SGCZ: variants seen among roughly 807,000 people sequenced by gnomAD.
SGCZ encodes sarcoglycan zeta.
A neutral mutation model predicts 41.3 loss-of-function variants in SGCZ; 40 were observed. That is an observed-to-expected ratio of 0.97 (90% confidence interval 0.75 to 1.26). The LOEUF (loss-of-function observed/expected upper bound fraction) is 1.26. Ranked by LOEUF, SGCZ falls within the 50% of genes most tolerant of loss-of-function variation. The pLI, the probability that SGCZ is intolerant of heterozygous loss-of-function variation, is 0.00. For synonymous variants in SGCZ, 206 were observed against 137.5 expected (o/e 1.50, Z -3.49); for missense variants, 552 against 369.8 (o/e 1.49, Z -4.04).
chr8:14,691,563 C>G (rs1393341019), intron 1 of SGCZ, among the ~76,000 whole-genome samples: 1 of 151,836 alleles, frequency 6.6e-6, no homozygotes, highest in Non-Finnish European at 1.5e-5. Context: ...GGCACATAGG[C>G]CTCTTGGAAA....
intron 3 of SGCZ, among the ~76,000 whole-genome samples, chr8:14,273,181 T>C (rs753647689): frequency 6.6e-6 from 1 of 152,072 alleles, no homozygotes; most frequent in Non-Finnish European, 1.5e-5. Context: ...TACAAAAATA[T>C]TGATAAAAAG....
chr8:14,380,980 T>C (rs1271478677), intron 2 of SGCZ, among the ~76,000 whole-genome samples: 4 of 152,228 alleles, frequency 2.6e-5, no homozygotes, highest in Non-Finnish European at 4.4e-5. Context: ...GTATTCCTAA[T>C]CGTTCTTAGC....
chr8:14,868,181 T>C (rs892421785), intron 1 of SGCZ, among the ~76,000 whole-genome samples: 5 of 152,134 alleles, frequency 3.3e-5, no homozygotes, highest in African/African-American at 9.7e-5. Context: ...TGTGTGAAGA[T>C]GCTGAAAGGT....
intron 1 of SGCZ, among the ~76,000 whole-genome samples, chr8:14,979,209 C>T (rs1241184609): frequency 1.3e-5 from 2 of 152,196 alleles, no homozygotes; most frequent in Non-Finnish European, 2.9e-5. Context: ...AGCATATCAT[C>T]TCAGGTAACA....
At chr8:15,015,406 A>C (rs4831669) in intron 1 of SGCZ, among the ~76,000 whole-genome samples, 5,491 of 152,168 alleles carry the variant, frequency 0.036, 327 homozygotes, top group African/African-American at 0.12. Flanking sequence ...TTGTTACTTG[A>C]AACATACACG....
rs576358395 is a variant in SGCZ, at chr8:14,944,149, A to G, written c.39+293436T>C. On this transcript the variant is annotated intron_variant, in intron 1 of 7. Transcript: ENST00000382080. Reference sequence around the variant, plus strand: ...CCCGCTTCATTCGAATCATATAGGCAGGGTGGGGCCTGCAGGCTGAAGGTA... The same window carrying G: ...CCCGCTTCATTCGAATCATATAGGCGGGGTGGGGCCTGCAGGCTGAAGGTA... Among the ~76,000 whole-genome samples, 526 of 152,266 alleles carry G rather than the reference A, an allele frequency of 3.5e-3. 4 individuals are homozygous for G. Among genetic ancestry groups the G allele is most frequent in the African/African-American group, 0.012 (484 of 41,546 alleles).
chr8:14,479,916 T>C (rs1170459767), intron 2 of SGCZ, among the ~76,000 whole-genome samples: 1 of 23,408 alleles, frequency 4.3e-5, no homozygotes, highest in Non-Finnish European at 1.0e-3. Context: ...CGACTAATTT[T>C]GTATTTTTAG....
At chr8:14,158,541 T>C (rs1803945781) in intron 5 of SGCZ, among the ~76,000 whole-genome samples, 2 of 152,176 alleles carry the variant, frequency 1.3e-5, no homozygotes, top group South Asian at 4.2e-4. Flanking sequence ...GAACAATACC[T>C]TGCATCCTTC....
intron 2 of SGCZ, among the ~76,000 whole-genome samples, chr8:14,436,243 ATGAGCCTCT>A (rs1231414205): frequency 6.6e-6 from 1 of 152,338 alleles, no homozygotes; most frequent in Admixed American, 6.5e-5. Flanking sequence ...GACCCTGGCG[ATGAGCCTCT>A]TGAATCACAG....
At chr8:14,320,391 A>G (rs185364004) in intron 3 of SGCZ, among the ~76,000 whole-genome samples, 3 of 151,600 alleles carry the variant, frequency 2.0e-5, no homozygotes, top group Admixed American at 6.6e-5. Flanking sequence ...CAGGAAAGAC[A>G]TTTGCTGTGC....
chr8:15,138,383 C>T (rs941937224), intron 1 of SGCZ, among the ~76,000 whole-genome samples: 10 of 151,950 alleles, frequency 6.6e-5, no homozygotes, highest in African/African-American at 2.4e-4. Flanking sequence ...GTTGGGAGGG[C>T]ATGATTGTGA....
chr8:14,316,314 G>A (rs1200213068), intron 3 of SGCZ, among the ~76,000 whole-genome samples: 1 of 152,050 alleles, frequency 6.6e-6, no homozygotes, highest in African/African-American at 2.4e-5. Context: ...AATTTATTAA[G>A]ATTGCTACCT....
At chr8:14,999,706 T>C (rs1009992225) in intron 1 of SGCZ, among the ~76,000 whole-genome samples, 1 of 152,168 alleles carries the variant, frequency 6.6e-6, no homozygotes, top group Admixed American at 6.5e-5. Context: ...CTTCATAGCC[T>C]AACAATCTTC....
At chr8:14,507,323 C>G (rs1334609244) in intron 2 of SGCZ, among the ~76,000 whole-genome samples, 1 of 152,130 alleles carries the variant, frequency 6.6e-6, no homozygotes, top group Non-Finnish European at 1.5e-5. Context: ...TCAAATACCT[C>G]TTTGAGAAGC....
At chr8:15,123,515 T>C (rs920519010) in intron 1 of SGCZ, among the ~76,000 whole-genome samples, 1 of 152,184 alleles carries the variant, frequency 6.6e-6, no homozygotes, top group Non-Finnish European at 1.5e-5. Context: ...GACACATTCA[T>C]TTTACAGTTG....
At chr8:14,558,958 C>G (rs1441308459) in intron 1 of SGCZ, among the ~76,000 whole-genome samples, 1 of 151,912 alleles carries the variant, frequency 6.6e-6, no homozygotes, top group African/African-American at 2.4e-5. Context: ...CTCAACAAAA[C>G]TGGCACAGAA....
intron 2 of SGCZ, among the ~76,000 whole-genome samples, chr8:14,387,780 G>T (rs4621808): frequency 0.17 from 25,396 of 151,850 alleles, 5,003 homozygotes; most frequent in African/African-American, 0.48. Flanking sequence ...CTCCCATTAA[G>T]GTTCTATTTA....
chr8:14,350,265 T>C (rs1803041502), intron 2 of SGCZ, among the ~76,000 whole-genome samples: 1 of 151,788 alleles, frequency 6.6e-6, no homozygotes, highest in African/African-American at 2.4e-5. Flanking sequence ...TTTACCTAAG[T>C]ATGCTTTTTC....
At chr8:14,178,760 A>G (rs1384844643) in intron 4 of SGCZ, among the ~76,000 whole-genome samples, 1 of 152,266 alleles carries the variant, frequency 6.6e-6, no homozygotes, top group Non-Finnish European at 1.5e-5. Context: ...TATCATGAAT[A>G]ATACAGATAA....
Sources: allele counts gnomAD v4.1 joint callset (sites outside exome capture counted in the v4.1 genomes callset), GRCh38; gene constraint gnomAD v4.1.1; transcripts MANE v1.5; gene names NCBI Gene and HGNC (gene_info 2026-07-23, HGNC 2026-07-21).